ROBO2: variants seen among roughly 807,000 people sequenced by gnomAD.
ROBO2 encodes the protein roundabout homolog 2.
Under a neutral mutation model 160.8 loss-of-function variants are expected in ROBO2, and 53 were observed. That is an observed-to-expected ratio of 0.33 (90% confidence interval 0.26 to 0.41). The LOEUF (loss-of-function observed/expected upper bound fraction) is 0.41, where lower values mean the gene tolerates loss of function less well. Among genes scored for constraint, ROBO2 ranks in the 10% least tolerant of loss-of-function variants. The pLI, the probability that ROBO2 is intolerant of heterozygous loss-of-function variation, is 1.00. For synonymous variants in ROBO2, 664 were observed against 611.7 expected, an observed-to-expected ratio of 1.09 and a Z score of -1.26; for missense variants, 1,577 against 1,722.4, an observed-to-expected ratio of 0.92 and a Z score of 1.49.
At chr3:77,283,845 G>A (rs188602596) in intron 2 of ROBO2, among the ~76,000 whole-genome samples, 5 of 152,172 alleles carry the variant, frequency 3.3e-5, no homozygotes, top group Non-Finnish European at 4.4e-5. Context: ...GGTCCTACTC[G>A]CAATGCACTG....
At chr3:76,609,767 T>C (rs1158490526) in intron 2 of ROBO2, among the ~76,000 whole-genome samples, 1 of 152,204 alleles carries the variant, frequency 6.6e-6, no homozygotes, top group Non-Finnish European at 1.5e-5. Context: ...TGAATAACAG[T>C]GTTGAAAGTG....
intron 2 of ROBO2, among the ~76,000 whole-genome samples, chr3:75,951,839 T>C (rs1463344130): frequency 6.6e-6 from 1 of 152,064 alleles, no homozygotes; most frequent in Non-Finnish European, 1.5e-5. Flanking sequence ...GAACAAATTT[T>C]TATCTGATAG....
chr3:76,779,614 C>T (rs34283957), intron 2 of ROBO2, among the ~76,000 whole-genome samples: 45,039 of 150,692 alleles, frequency 0.3, 8,264 homozygotes, highest in Non-Finnish European at 0.4. Context: ...TGTCTTTCTG[C>T]GTCTGGCTTA....
Position 76,217,864 on chromosome 3 carries a change from G to A in ROBO2, c.109+280262G>A, listed in dbSNP as rs1703668436. Among the ~76,000 whole-genome samples the A allele has an allele frequency of 2.6e-5, 4 of 152,244 alleles. No homozygotes were observed. The South Asian group carries it at 8.3e-4, about 32-fold the overall frequency. On this transcript the variant is annotated intron_variant, in intron 2 of 26. Coordinates refer to the ROBO2 transcript ENST00000487694. ...GCCTGACAGAGACACAACAAAAAAA[G>A]AGAATTTTAAACCAATATCCTTGAT... is the stretch of plus-strand genomic sequence containing the variant.
intron 2 of ROBO2, among the ~76,000 whole-genome samples, chr3:77,419,105 A>G (rs76390733): frequency 0.021 from 3,164 of 152,178 alleles, 122 homozygotes; most frequent in African/African-American, 0.072. Context: ...GTTTCTCACT[A>G]TTGTTTCAAT....
intron 2 of ROBO2, among the ~76,000 whole-genome samples, chr3:76,121,887 C>A (rs2070767266): frequency 6.6e-6 from 1 of 152,158 alleles, no homozygotes. Context: ...AATAGACTCT[C>A]TGAATTCAGA....
intron 2 of ROBO2, among the ~76,000 whole-genome samples, chr3:76,527,534 T>C (rs925419899): frequency 6.6e-6 from 1 of 152,146 alleles, no homozygotes; most frequent in Non-Finnish European, 1.5e-5. Flanking sequence ...CCAGGCCTTC[T>C]TCATATTATT....
chr3:76,370,535 C>T (rs969408952), intron 2 of ROBO2, among the ~76,000 whole-genome samples: 7 of 151,814 alleles, frequency 4.6e-5, no homozygotes, highest in African/African-American at 1.5e-4. Flanking sequence ...ATCAACTAAC[C>T]ATCACAAATA....
In ROBO2 at chr3:76,604,555, C is replaced by T. The variant is rs145518314; in HGVS notation, c.110-493459C>T. Among the ~76,000 whole-genome samples, 280 of 151,970 alleles carry T rather than the reference C, an allele frequency of 1.8e-3. 1 individual carries two copies. The highest frequency in any genetic ancestry group is 6.3e-3 in the African/African-American group (263 of 41,470). On this transcript the variant is annotated intron_variant, in intron 2 of 26. Coordinates refer to the ROBO2 transcript ENST00000487694. ...ATTTTGCAAATTTAGTAGATGTGTC[C>T]CTATTGGCCTAACTTATTTTGCTTA...
intron 9 of ROBO2, 126 bp downstream of exon 10, chr3:77,558,275 T>A: frequency 2.6e-6 from 2 of 758,866 alleles, no homozygotes; most frequent in Non-Finnish European, 4.5e-6. Context: ...AAACAGTTAA[T>A]GTTATTACTT....
At chr3:77,002,928 C>A (rs2061402223) in intron 2 of ROBO2, among the ~76,000 whole-genome samples, 1 of 151,970 alleles carries the variant, frequency 6.6e-6, no homozygotes, top group African/African-American at 2.4e-5. Flanking sequence ...TGATGACTGA[C>A]CATATGTCTA....
intron 2 of ROBO2, among the ~76,000 whole-genome samples, chr3:77,303,145 T>A (rs2062802049): frequency 6.6e-6 from 1 of 152,210 alleles, no homozygotes; most frequent in Non-Finnish European, 1.5e-5. Context: ...TTTCTGGGCA[T>A]GTGGGTATAA....
intron 2 of ROBO2, among the ~76,000 whole-genome samples, chr3:76,957,812 C>A (rs1577832818): frequency 6.8e-6 from 1 of 147,858 alleles, no homozygotes; most frequent in African/African-American, 2.5e-5. Flanking sequence ...GCCTGGGCTA[C>A]AGAGCAAGAC....
intron 1 of ROBO2, among the ~76,000 whole-genome samples, chr3:77,057,935 A>C (rs2065920961): frequency 6.6e-6 from 1 of 152,036 alleles, no homozygotes; most frequent in African/African-American, 2.4e-5. Context: ...ACACATGTAT[A>C]CCTATGTAAC....
intron 2 of ROBO2, among the ~76,000 whole-genome samples, chr3:76,756,034 C>T (rs1277836933): frequency 6.6e-6 from 1 of 151,750 alleles, no homozygotes; most frequent in African/African-American, 2.4e-5. Context: ...TTTTAATTAG[C>T]TTTGAGTATG....
intron 2 of ROBO2, among the ~76,000 whole-genome samples, chr3:76,959,942 T>G (rs1433159624): frequency 6.6e-6 from 1 of 150,932 alleles, no homozygotes; most frequent in East Asian, 1.9e-4. Flanking sequence ...TTCTCATAAT[T>G]TATCCATCTT....
intron 2 of ROBO2, among the ~76,000 whole-genome samples, chr3:76,840,061 A>G (rs1460520878): frequency 6.7e-6 from 1 of 150,370 alleles, no homozygotes; most frequent in Middle Eastern, 3.2e-3. Context: ...CTTTTTTCTT[A>G]TTTTATTTAG....
intron 2 of ROBO2, among the ~76,000 whole-genome samples, chr3:75,949,747 C>A (rs1948464297): frequency 7.1e-6 from 1 of 140,758 alleles, no homozygotes; most frequent in South Asian, 2.4e-4. Context: ...ATTGCTGTGA[C>A]AAGTTACCAG....
intron 2 of ROBO2, among the ~76,000 whole-genome samples, chr3:76,671,121 T>C (rs2106646926): frequency 6.6e-6 from 1 of 152,270 alleles, no homozygotes; most frequent in African/African-American, 2.4e-5. Context: ...AACTGACATG[T>C]CTTCTCTAAA....
Sources: allele counts gnomAD v4.1 joint callset (sites outside exome capture counted in the v4.1 genomes callset), GRCh38; gene constraint gnomAD v4.1.1; transcripts MANE v1.5; gene names NCBI Gene and HGNC (gene_info 2026-07-23, HGNC 2026-07-21).